ADAMTS6: variants seen among roughly 807,000 people sequenced by gnomAD.
ADAMTS6 encodes the protein A disintegrin and metalloproteinase with thrombospondin motifs 6.
Under a neutral mutation model 144.3 loss-of-function variants are expected in ADAMTS6, and 23 were observed. The observed-to-expected ratio is 0.16, with a 90% CI of 0.11 to 0.23. The LOEUF (loss-of-function observed/expected upper bound fraction) is 0.23, where lower values mean the gene tolerates loss of function less well. Among genes scored for constraint, ADAMTS6 ranks in the 10% least tolerant of loss-of-function variants. ADAMTS6 has a pLI of 1.00. For synonymous variants in ADAMTS6, 444 were observed against 457.5 expected (o/e 0.97, Z 0.38); for missense variants, 999 against 1,379.6 (o/e 0.72, Z 4.37).
chr5:65,448,984 A>G (rs1758514769), intron 7 of ADAMTS6, among the ~76,000 whole-genome samples: 1 of 152,208 alleles, frequency 6.6e-6, no homozygotes, highest in Non-Finnish European at 1.5e-5. Context: ...CAAAATAAAA[A>G]ATATATAAGA....
At position 65,177,382 on chromosome 5, in the gene ADAMTS6, G is replaced by A. The variant is rs1311609136; in HGVS notation, c.2911-4374C>T. Among the ~76,000 whole-genome samples, 4 of 152,160 alleles carry A rather than the reference G, an allele frequency of 2.6e-5. 1 individual carries two copies. Among genetic ancestry groups the A allele is most frequent in the African/African-American group, 9.6e-5 (4 of 41,510 alleles). ...CCTCAAACTATTGCATTTAATGCTT[G>A]CCTTGTTATACCCTGTGGGGACCTG... On this transcript the variant is annotated intron_variant, in intron 22 of 24. Coordinates refer to ENST00000381055, the MANE Select transcript of ADAMTS6 (RefSeq NM_197941.4).
chr5:65,388,978 T>TG (rs1039086296), intron 7 of ADAMTS6, among the ~76,000 whole-genome samples: 3 of 151,932 alleles, frequency 2.0e-5, no homozygotes, highest in Non-Finnish European at 4.4e-5. Context: ...GAGGCCGAGG[T>TG]GGGCGGATCA....
chr5:65,176,106 CGGAAAAAAAA>C (rs1277412938), intron 22 of ADAMTS6, among the ~76,000 whole-genome samples: 1 of 146,012 alleles, frequency 6.8e-6, no homozygotes, highest in African/African-American at 2.5e-5. Context: ...TTATCATCTT[CGGAAAAAAAA>C]GGGAAAAAAA....
At chr5:65,217,934 G>GA (rs1757048914) in intron 18 of ADAMTS6, among the ~76,000 whole-genome samples, 1 of 151,998 alleles carries the variant, frequency 6.6e-6, no homozygotes, top group Non-Finnish European at 1.5e-5. Flanking sequence ...CTCATGCATT[G>GA]ACCAGAACTG....
At chr5:65,379,844 A>T (rs1400981363) in intron 7 of ADAMTS6, among the ~76,000 whole-genome samples, 1 of 151,980 alleles carries the variant, frequency 6.6e-6, no homozygotes, top group Non-Finnish European at 1.5e-5. Flanking sequence ...ATATAATTAT[A>T]TAAATAATTA....
chr5:65,151,350 T>C lies in ADAMTS6; in HGVS notation c.*486A>G. 6.5e-6 allele frequency: 1 copy of C among 153,278 alleles called. No homozygotes were observed. The highest frequency in any genetic ancestry group is 1.9e-4 in the East Asian group (1 of 5,204). The allele number at this position is 153,278 out of a possible 1,614,324, so 9.5% of individuals were successfully genotyped here. ...TTTTATAATTTAAATTGTGGTGCTG[T>C]TGTAGTGAGATAAAGTACAGTAAAT... On this transcript the variant is annotated 3_prime_UTR_variant, in exon 25 of 25. Transcript: ENST00000381055.
rs13356376 is a variant in ADAMTS6, at chr5:65,230,382, G to T, written c.1934-4163C>A. Among the ~76,000 whole-genome samples the T allele has an allele frequency of 0.012, 218 of 17,942 alleles. 58 individuals carry two copies. In the African/African-American group the frequency reaches 0.2, roughly 16 times the overall value. The allele number at this position is 17,942 out of a possible 152,430, so 11.8% of individuals were successfully genotyped here. On this transcript the variant is annotated intron_variant, in intron 15 of 24. Transcript: ENST00000381055. Reference sequence around the variant, plus strand: ...TATATATGAAATATATATAATACATGATATATATGAAATATATATAATACA... The same window carrying T: ...TATATATGAAATATATATAATACATTATATATATGAAATATATATAATACA...
intron 11 of ADAMTS6, among the ~76,000 whole-genome samples, chr5:65,288,702 C>G (rs946364201): frequency 6.6e-6 from 1 of 152,100 alleles, no homozygotes; most frequent in African/African-American, 2.4e-5. Flanking sequence ...TTTTCAACAC[C>G]AGATGTATCT....
chr5:65,387,994 T>C (rs1752610553), intron 7 of ADAMTS6, among the ~76,000 whole-genome samples: 1 of 151,452 alleles, frequency 6.6e-6, no homozygotes, highest in African/African-American at 2.4e-5. Context: ...GCCTATCACC[T>C]GAGGTCAGGA....
chr5:65,435,497 T>G (rs1757319105), intron 7 of ADAMTS6, among the ~76,000 whole-genome samples: 1 of 152,184 alleles, frequency 6.6e-6, no homozygotes, highest in East Asian at 1.9e-4. Flanking sequence ...ACTATAAGAA[T>G]GTTAATTTAC....
intron 18 of ADAMTS6, among the ~76,000 whole-genome samples, chr5:65,219,243 T>C (rs898097142): frequency 6.6e-6 from 1 of 152,186 alleles, no homozygotes; most frequent in Non-Finnish European, 1.5e-5. Flanking sequence ...GTCACACCCA[T>C]TTATTTATTA....
intron 7 of ADAMTS6, among the ~76,000 whole-genome samples, chr5:65,420,819 G>GT (rs1755967710): frequency 6.6e-6 from 1 of 152,114 alleles, no homozygotes; most frequent in African/African-American, 2.4e-5. Context: ...CTAGTCTAAA[G>GT]TTTGAACATT....
intron 24 of ADAMTS6, among the ~76,000 whole-genome samples, chr5:65,169,358 A>T (rs1331894582): frequency 2.9e-5 from 4 of 139,994 alleles, no homozygotes; most frequent in Non-Finnish European, 6.1e-5. Flanking sequence ...ACCAGTTAGA[A>T]TGGCAATCAT....
intron 21 of ADAMTS6, among the ~76,000 whole-genome samples, chr5:65,193,006 A>G (rs1410138178): frequency 2.6e-5 from 4 of 152,028 alleles, no homozygotes; most frequent in Non-Finnish European, 4.4e-5. Context: ...CTGATAAAAA[A>G]TACGATTTAG....
chr5:65,185,041 CA>C (rs1342621810), intron 22 of ADAMTS6, among the ~76,000 whole-genome samples: 2 of 151,926 alleles, frequency 1.3e-5, no homozygotes, highest in African/African-American at 2.4e-5. Context: ...ATGGGTGTGT[CA>C]AAAAAATTGT....
At chr5:65,475,561 G>C (rs891519751) in intron 1 of ADAMTS6, among the ~76,000 whole-genome samples, 14 of 152,182 alleles carry the variant, frequency 9.2e-5, no homozygotes, top group Admixed American at 3.3e-4. Flanking sequence ...AGATGAGGGA[G>C]ATGACTTCTG....
intron 7 of ADAMTS6, among the ~76,000 whole-genome samples, chr5:65,422,629 AAAAT>A (rs1182908265): frequency 7.4e-6 from 1 of 135,394 alleles, no homozygotes; most frequent in Non-Finnish European, 1.5e-5. Context: ...TCAAAAAATA[AAAAT>A]AAATAAAAAA....
chr5:65,302,269 C>A (rs10940027), intron 9 of ADAMTS6, among the ~76,000 whole-genome samples: 71,916 of 139,724 alleles, frequency 0.51, 18,210 homozygotes, highest in African/African-American at 0.53. Context: ...ATATTAATAT[C>A]TAAATTATAT....
At chr5:65,393,034 G>A (rs144544102) in intron 7 of ADAMTS6, among the ~76,000 whole-genome samples, 9 of 152,222 alleles carry the variant, frequency 5.9e-5, no homozygotes, top group Admixed American at 5.2e-4. Context: ...TTCAAAATGT[G>A]CTCAGTAGAT....
Sources: gnomAD v4.1 joint callset for allele counts (sites outside exome capture counted in the v4.1 genomes callset) on GRCh38, gnomAD v4.1.1 for gene constraint, MANE v1.5 for transcripts, NCBI Gene and HGNC (gene_info 2026-07-23, HGNC 2026-07-21) for gene names.